BCOR: variants seen among roughly 807,000 people sequenced by gnomAD.
The protein encoded by BCOR is BCL6 corepressor, also known as BCL-6 corepressor.
Under a neutral mutation model 86.7 loss-of-function variants are expected in BCOR, and 10 were observed. The ratio of observed to expected loss-of-function variants is 0.12; its 90% CI spans 0.07 to 0.20. The LOEUF is 0.20. BCOR is among the 10% of genes least tolerant of loss of function. The pLI, the probability that BCOR is intolerant of heterozygous loss-of-function variation, is 1.00. For synonymous variants in BCOR, 611 were observed against 609.0 expected (o/e 1.00, Z -0.05); for missense variants, 1,259 against 1,452.1 (o/e 0.87, Z 2.16).
At chrX:40,099,811 T>G (rs1295403212), upstream of BCOR, among the ~76,000 whole-genome samples, 3 of 112,094 alleles carry the variant, frequency 2.7e-5, no homozygotes, top group Admixed American at 9.4e-5. Context: ...TTCGGCAGAA[T>G]TAAATCTTCA....
intron 1 of BCOR, among the ~76,000 whole-genome samples, chrX:40,110,661 C>CTTTTTTTTTTTTTTTTTTTTT (rs1569182584): frequency 8.1e-5 from 2 of 24,672 alleles, no homozygotes; most frequent in Non-Finnish European, 1.0e-4. Context: ...TTCTTTTTTC[C>CTTTTTTTTTTTTTTTTTTTTT]TTTTTCTTTT....
At chrX:40,086,752 C>T (rs1052672777) in intron 1 of BCOR, among the ~76,000 whole-genome samples, 1 of 113,691 alleles carries the variant, frequency 8.8e-6, no homozygotes, top group African/African-American at 3.2e-5. Flanking sequence ...CACATTCCCC[C>T]CTTACCACAT....
intron 1 of BCOR, among the ~76,000 whole-genome samples, chrX:40,081,999 T>C (rs1408282692): frequency 8.9e-6 from 1 of 112,666 alleles, no homozygotes; most frequent in Non-Finnish European, 1.9e-5. Flanking sequence ...TGGGTCACCC[T>C]GGACAGACTC....
At position 40,074,809 on chromosome X, in the gene BCOR, G is replaced by C. The variant is rs749155493; in HGVS notation, c.537C>G (p.Leu179=). 8.3e-7 allele frequency: 1 copy of C among 1,210,110 alleles called. No homozygotes were observed. The highest frequency in any genetic ancestry group is 1.7e-5 in the African/African-American group (1 of 57,167). The change falls in exon 4 of 15, where the codon CTC becomes CTG. Residue 179 remains leucine (L), a synonymous_variant. Transcript: ENST00000378444. The part of the protein sequence containing the change: ...DRPASDKQSP[L]NINGASYLRL... ...GCAGATAACTAGCACCATTGATGTTGAGAGGGCTCTGTTTGTCGCTGGCAG... is the reference window on the plus strand; with the variant it reads ...GCAGATAACTAGCACCATTGATGTTCAGAGGGCTCTGTTTGTCGCTGGCAG...
chrX:40,127,898 AAATAAATAAATTT>A (rs1338507849), intron 1 of BCOR, among the ~76,000 whole-genome samples: 83 of 105,655 alleles, frequency 7.9e-4, no homozygotes, highest in African/African-American at 3.0e-3. Flanking sequence ...ATAAATAAAT[AAATAAATAAATTT>A]AAAAAAAAAA....
chrX:40,161,714 C>T (rs1042722909), intron 1 of BCOR, among the ~76,000 whole-genome samples: 1 of 107,420 alleles, frequency 9.3e-6, no homozygotes, highest in Admixed American at 1.0e-4. Context: ...GGGGTTTCAC[C>T]GTGTTAGCCT....
At chrX:40,061,998 C>T in intron 10 of BCOR, 141 bp downstream of exon 10, 1 of 813,938 alleles carries the variant, frequency 1.2e-6, no homozygotes, top group Non-Finnish European at 1.8e-6. Flanking sequence ...GGGGCTAACA[C>T]AAACATCCTG....
At chrX:40,061,019 G>A (rs1934838612) in intron 10 of BCOR, among the ~76,000 whole-genome samples, 1 of 112,289 alleles carries the variant, frequency 8.9e-6, no homozygotes, top group African/African-American at 3.2e-5. Flanking sequence ...ACTGCAGCAT[G>A]GTTAAGGTGC....
chrX:40,056,281 T>TAAAA lies in BCOR; in HGVS notation c.4596-772_4596-769dup, dbSNP rs60712024. 6.9e-3 allele frequency among the ~76,000 whole-genome samples: 422 copies of TAAAA among 61,424 alleles called. 13 individuals carry two copies. Among genetic ancestry groups the TAAAA allele is most frequent in the African/African-American group, 0.028 (406 of 14,584 alleles). The allele number at this position is 61,424 out of a possible 115,157, so 53.3% of individuals were successfully genotyped here. On this transcript the variant is annotated intron_variant, in intron 11 of 14. Coordinates refer to ENST00000378444, the MANE Select transcript of BCOR (RefSeq NM_001123385.2). ...AATACAACAAGCAACTGTCACACAT[T>TAAAA]AAAAAAAAAAAAAAAAAAAAGCCAC...
In BCOR at chrX:40,073,344, C is replaced by G. The variant is rs143592639; in HGVS notation, c.2002G>C (p.Val668Leu). The G allele has an allele frequency of 1.7e-6, 2 of 1,211,315 alleles. No homozygotes were observed. Among genetic ancestry groups the G allele is most frequent in the South Asian group, 1.8e-5 (1 of 56,891 alleles). ...LPYPAPEGIA[V>L]SPLSLHGKGP... ...TTGCCATGTAAGGAGAGGGGACTTA[C>G]AGCAATGCCCTCAGGGGCTGGGTAA... Residue 668 changes from valine (V) to leucine (L), a missense_variant, in exon 4 of 15, where the codon GTA becomes CTA. By Grantham distance (32) the Val-to-Leu change is conservative (BLOSUM62 1). Coordinates refer to ENST00000378444, the MANE Select transcript of BCOR (RefSeq NM_001123385.2).
intron 1 of BCOR, among the ~76,000 whole-genome samples, chrX:40,113,406 CAA>C (rs60280150): frequency 1.3e-4 from 10 of 79,819 alleles, no homozygotes; most frequent in Admixed American, 1.4e-4. Flanking sequence ...GACCATGTCT[CAA>C]AAAAAAAAAA....
upstream of BCOR, among the ~76,000 whole-genome samples, chrX:40,102,376 G>T (rs372888330): frequency 9.7e-5 from 11 of 113,286 alleles, no homozygotes; most frequent in South Asian, 3.9e-3. Flanking sequence ...GGGTGGTTGG[G>T]TGTCGACCAA....
chrX:40,094,251 C>T (rs754847491), intron 1 of BCOR, among the ~76,000 whole-genome samples: 214 of 112,546 alleles, frequency 1.9e-3, no homozygotes, highest in South Asian at 4.8e-3. Context: ...CGCCTCCCCC[C>T]CCTCCAGTCC....
intron 1 of BCOR, among the ~76,000 whole-genome samples, chrX:40,176,774 A>C (rs1602291192): frequency 1.9e-5 from 2 of 105,687 alleles, no homozygotes; most frequent in East Asian, 3.1e-4. Context: ...GCCCCGCGCC[A>C]CCCCCGCCCG....
chrX:40,143,575 G>GT (rs1937971366), intron 1 of BCOR, among the ~76,000 whole-genome samples: 1 of 112,776 alleles, frequency 8.9e-6, no homozygotes, highest in South Asian at 3.6e-4. Flanking sequence ...ACGAAAGATG[G>GT]TATCAAGGCC....
chrX:40,078,676 C>T (rs1374086887), intron 1 of BCOR, among the ~76,000 whole-genome samples: 1 of 111,896 alleles, frequency 8.9e-6, no homozygotes, highest in Non-Finnish European at 1.9e-5. Context: ...TCACTGGGGA[C>T]GAGAAATCAT....
chrX:40,176,079 G>T (rs1451649635), intron 1 of BCOR, among the ~76,000 whole-genome samples: 1 of 112,826 alleles, frequency 8.9e-6, no homozygotes, highest in African/African-American at 3.2e-5. Context: ...TCCCTCCCAC[G>T]CTAGAGTAGC....
chrX:40,057,947 T>C (rs1416035714), intron 10 of BCOR, among the ~76,000 whole-genome samples: 1 of 111,996 alleles, frequency 8.9e-6, no homozygotes, highest in Non-Finnish European at 1.9e-5. Context: ...CCTCTGTTGG[T>C]ATCATACTCA....
intron 7 of BCOR, 116 bp from the exon 8 acceptor site, chrX:40,064,068 G>T: frequency 1.5e-6 from 1 of 652,524 alleles, no homozygotes; most frequent in Non-Finnish European, 2.3e-6. Flanking sequence ...TCTGCTTTTG[G>T]GAAGGGGCCT....
Sources: allele counts gnomAD v4.1 joint callset (sites outside exome capture counted in the v4.1 genomes callset), GRCh38; gene constraint gnomAD v4.1.1; transcripts MANE v1.5; gene names NCBI Gene and HGNC (gene_info 2026-07-23, HGNC 2026-07-21).